NAALADL2: variants seen among roughly 807,000 people sequenced by gnomAD.
NAALADL2 encodes inactive N-acetylated-alpha-linked acidic dipeptidase-like protein 2.
A neutral mutation model predicts 87.2 loss-of-function variants in NAALADL2; 76 were observed. The observed-to-expected ratio is 0.87, with a 90% confidence interval of 0.72 to 1.05. The LOEUF is 1.05. Ranked by LOEUF, NAALADL2 falls within the 50% of genes least tolerant of loss-of-function variation. The pLI is 0.00. For missense variants in NAALADL2, 1,089 were observed against 945.8 expected (o/e 1.15, Z -1.99); for synonymous variants, 354 against 331.0 (o/e 1.07, Z -0.75).
intron 2 of NAALADL2, among the ~76,000 whole-genome samples, chr3:174,558,792 A>G (rs1713190367): frequency 6.6e-6 from 1 of 152,062 alleles, no homozygotes; most frequent in Admixed American, 6.6e-5. Flanking sequence ...TTCTGCTAGA[A>G]CGCAATTTCA....
chr3:175,194,093 TG>T (rs911511466), intron 2 of NAALADL2, among the ~76,000 whole-genome samples: 30 of 152,032 alleles, frequency 2.0e-4, no homozygotes, highest in African/African-American at 7.0e-4. Context: ...TAAACAATTT[TG>T]TTAAAATATT....
At chr3:174,483,606 G>A (rs929264669) in intron 1 of NAALADL2, among the ~76,000 whole-genome samples, 1 of 151,972 alleles carries the variant, frequency 6.6e-6, no homozygotes, top group Non-Finnish European at 1.5e-5. Context: ...AATCACAAAA[G>A]TAAGGAATAA....
chr3:174,890,122 G>A (rs1443268587), intron 1 of NAALADL2, among the ~76,000 whole-genome samples: 4 of 152,134 alleles, frequency 2.6e-5, no homozygotes, highest in Admixed American at 6.5e-5. Flanking sequence ...TAACCATCAC[G>A]ATGACGTTTC....
intron 1 of NAALADL2, among the ~76,000 whole-genome samples, chr3:174,940,898 TTTC>T (rs1738480974): frequency 6.6e-6 from 1 of 152,086 alleles, no homozygotes; most frequent in African/African-American, 2.4e-5. Context: ...GGATCTTTCT[TTTC>T]TTCTTTATTG....
At chr3:175,467,832 C>A (rs1433364608) in intron 8 of NAALADL2, among the ~76,000 whole-genome samples, 2 of 152,054 alleles carry the variant, frequency 1.3e-5, no homozygotes, top group Non-Finnish European at 2.9e-5. Context: ...ATTTAAGTCT[C>A]AAACTCTTCT....
chr3:175,412,941 G>A (rs1412896486), intron 5 of NAALADL2, among the ~76,000 whole-genome samples: 1 of 61,250 alleles, frequency 1.6e-5, no homozygotes, highest in African/African-American at 6.1e-5. Flanking sequence ...TTGAGACGGA[G>A]TCTCCCTCTG....
chr3:175,522,591 A>T (rs970524001), intron 9 of NAALADL2, among the ~76,000 whole-genome samples: 2 of 152,246 alleles, frequency 1.3e-5, no homozygotes, highest in Non-Finnish European at 2.9e-5. Context: ...GCTCTAAGTA[A>T]GATATAGTTG....
intron 6 of NAALADL2, among the ~76,000 whole-genome samples, chr3:175,459,520 A>G (rs1722793779): frequency 6.6e-6 from 1 of 152,140 alleles, no homozygotes. Context: ...GGGAGAGAGA[A>G]AATGGTCAAA....
chr3:174,526,180 C>T (rs1325880800), intron 1 of NAALADL2, among the ~76,000 whole-genome samples: 1 of 152,098 alleles, frequency 6.6e-6, no homozygotes, highest in Non-Finnish European at 1.5e-5. Flanking sequence ...CTGTATTCAC[C>T]TCCCACTTTC....
chr3:174,827,790 C>A (rs773721401), intron 3 of NAALADL2, among the ~76,000 whole-genome samples: 1 of 152,042 alleles, frequency 6.6e-6, no homozygotes, highest in African/African-American at 2.4e-5. Flanking sequence ...GAACAAAGAC[C>A]CTACCTTTTT....
At chr3:174,940,557 AT>A (rs1000832813) in intron 1 of NAALADL2, among the ~76,000 whole-genome samples, 3 of 151,128 alleles carry the variant, frequency 2.0e-5, no homozygotes, top group South Asian at 2.1e-4. Flanking sequence ...CTCCTCTTCA[AT>A]TTTTTTTTGG....
chr3:175,508,585 A>G (rs966236169), intron 9 of NAALADL2, among the ~76,000 whole-genome samples: 15 of 152,234 alleles, frequency 9.9e-5, no homozygotes, highest in African/African-American at 3.6e-4. Flanking sequence ...CATAGTTCTC[A>G]ACGTAATTGT....
intron 9 of NAALADL2, among the ~76,000 whole-genome samples, chr3:175,526,238 A>T (rs1267339458): frequency 1.3e-5 from 2 of 152,202 alleles, no homozygotes; most frequent in Non-Finnish European, 2.9e-5. Context: ...CAGTTTTTAA[A>T]AAAGGTATAT....
intron 3 of NAALADL2, among the ~76,000 whole-genome samples, chr3:174,771,554 G>A (rs1429705235): frequency 6.6e-6 from 1 of 152,182 alleles, no homozygotes; most frequent in East Asian, 1.9e-4. Context: ...ATGAGCTTTG[G>A]TAAAGGAATG....
At chr3:174,956,052 T>C (rs939350274) in intron 1 of NAALADL2, among the ~76,000 whole-genome samples, 4 of 152,050 alleles carry the variant, frequency 2.6e-5, no homozygotes, top group Admixed American at 2.0e-4. Context: ...TCACAAAATA[T>C]GATATGGAAA....
intron 7 of NAALADL2, among the ~76,000 whole-genome samples, chr3:175,465,048 T>C (rs1269223891): frequency 3.3e-5 from 5 of 152,098 alleles, no homozygotes; most frequent in Non-Finnish European, 7.4e-5. Context: ...GTATATGATA[T>C]GCAGAGTTTC....
chr3:175,519,862 CTTTACTATTT>C (rs1359969809), intron 9 of NAALADL2, among the ~76,000 whole-genome samples: 1 of 152,108 alleles, frequency 6.6e-6, no homozygotes, highest in Non-Finnish European at 1.5e-5. Context: ...ATCTCTGAAA[CTTTACTATTT>C]TTGACCATTT....
intron 3 of NAALADL2, among the ~76,000 whole-genome samples, chr3:174,813,628 T>C (rs1720463187): frequency 1.3e-5 from 2 of 152,182 alleles, no homozygotes; most frequent in South Asian, 4.1e-4. Flanking sequence ...CTTGTTGATA[T>C]TTCCATAGTT....
chr3:174,742,435 G>C (rs772436930), intron 3 of NAALADL2, among the ~76,000 whole-genome samples: 18 of 151,570 alleles, frequency 1.2e-4, no homozygotes, highest in Non-Finnish European at 2.4e-4. Context: ...ATAACAGTGT[G>C]GTCAGTTTTT....
Sources: gnomAD v4.1 joint callset for allele counts (sites outside exome capture counted in the v4.1 genomes callset) on GRCh38, gnomAD v4.1.1 for gene constraint, MANE v1.5 for transcripts, NCBI Gene and HGNC (gene_info 2026-07-23, HGNC 2026-07-21) for gene names.